ZNF714: variants seen among roughly 807,000 people sequenced by gnomAD.
ZNF714 encodes the protein zinc finger protein 714.
In ZNF714, 32 loss-of-function variants were observed where a neutral mutation model predicts 46.2. The ratio of observed to expected loss-of-function variants is 0.69; its 90% confidence interval spans 0.52 to 0.93. The LOEUF is 0.93. Ranked by LOEUF, ZNF714 falls within the 40% of genes least tolerant of loss-of-function variation. ZNF714 has a pLI of 0.00. For missense variants in ZNF714, 635 were observed against 646.3 expected, an observed-to-expected ratio of 0.98 and a Z score of 0.19; for synonymous variants, 199 against 213.1, an observed-to-expected ratio of 0.93 and a Z score of 0.58.
rs752302211 is a variant in ZNF714 at position 21,119,209 on chromosome 19, C to G, written c.*877C>G. ...CATGAGGTCAGGAGTTTGAGACCAG[C>G]CTATCCAAGATGGTGAAACCCCATC... On this transcript the variant is annotated 3_prime_UTR_variant, in exon 5 of 5. Coordinates refer to ENST00000456283, the MANE Select transcript of ZNF714 (RefSeq NM_182515.4). 2.6e-6 allele frequency: 1 copy of G among 387,060 alleles called. No homozygotes were observed. Among genetic ancestry groups the G allele is most frequent in the Non-Finnish European group, 5.1e-6 (1 of 197,938 alleles). 24.0% of individuals were successfully genotyped at this position (387,060 alleles called of 1,614,324 possible). A position where few individuals can be genotyped will look rare whatever the true frequency, so the allele number is the denominator to read the frequency against.
At chr19:21,107,626 C>T (rs1969354197) in intron 4 of ZNF714, among the ~76,000 whole-genome samples, 1 of 139,632 alleles carries the variant, frequency 7.2e-6, no homozygotes, top group African/African-American at 3.4e-5. Flanking sequence ...TTTGTACTGA[C>T]ATCTTAACAA....
chr19:21,102,120 G>A (rs1969195916), intron 4 of ZNF714, among the ~76,000 whole-genome samples: 2 of 152,196 alleles, frequency 1.3e-5, no homozygotes, highest in South Asian at 4.1e-4. Flanking sequence ...TTTTTTGTCA[G>A]GGATGACTGA....
At chr19:21,116,749 A>G in intron 4 of ZNF714, 58 bp from the exon 5 acceptor site, 1 of 1,511,934 alleles carries the variant, frequency 6.6e-7, no homozygotes, top group Non-Finnish European at 8.8e-7. Flanking sequence ...TTAGATTTGT[A>G]AAGTATGTTT....
At position 21,120,710 on chromosome 19, in the gene ZNF714, G is replaced by A. The variant is rs1272508897; in HGVS notation, c.*2378G>A. The stretch of plus-strand genomic sequence containing the variant: ...CTGTTCCACCTTACTGAAGGGTATA[G>A]GTAAAAGATGGTAACGATATACTAT... On this transcript the variant is annotated 3_prime_UTR_variant, in exon 5 of 5. Transcript: ENST00000456283. 1.3e-5 allele frequency: 2 copies of A among 151,986 alleles called. No individual in the cohort carries two copies. Among genetic ancestry groups the A allele is most frequent in the Non-Finnish European group, 2.9e-5 (2 of 67,998 alleles). 9.4% of individuals were successfully genotyped at this position (151,986 alleles called of 1,614,324 possible).
At chr19:21,116,709 A>G in intron 4 of ZNF714, 98 bp from the exon 5 acceptor site, 1 of 1,355,470 alleles carries the variant, frequency 7.4e-7, no homozygotes, top group Non-Finnish European at 9.8e-7. Context: ...TTATTATGGC[A>G]TCTTGCTTAT....
intron 2 of ZNF714, among the ~76,000 whole-genome samples, chr19:21,085,875 T>A (rs1968766263): frequency 1.4e-5 from 1 of 72,056 alleles, no homozygotes; most frequent in Non-Finnish European, 3.7e-5. Flanking sequence ...CAAAGTTAGG[T>A]TTATGTAAAA....
intron 2 of ZNF714, among the ~76,000 whole-genome samples, chr19:21,087,493 TTAA>T (rs1168440284): frequency 1.3e-5 from 2 of 152,204 alleles, no homozygotes; most frequent in African/African-American, 4.8e-5. Flanking sequence ...TTGTGTATTA[TTAA>T]TGTCAAACCC....
chr19:21,112,344 T>C lies in ZNF714; in HGVS notation c.143-4463T>C, dbSNP rs183027214. On this transcript the variant is annotated intron_variant, in intron 4 of 4. Coordinates refer to ENST00000456283, the MANE Select transcript of ZNF714 (RefSeq NM_182515.4). ...AAGGATGGATATGTCCAGCAGTTTATCCATTTCTTCTAGATTTTCCAGTTT... is the reference window on the plus strand; with the variant it reads ...AAGGATGGATATGTCCAGCAGTTTACCCATTTCTTCTAGATTTTCCAGTTT... 5.9e-3 allele frequency among the ~76,000 whole-genome samples: 893 copies of C among 152,266 alleles called. 3 individuals are homozygous for C. The highest frequency in any genetic ancestry group is 0.018 in the Admixed American group (280 of 15,290).
intron 2 of ZNF714, among the ~76,000 whole-genome samples, chr19:21,093,999 T>C (rs1168125389): frequency 6.6e-6 from 1 of 152,226 alleles, no homozygotes; most frequent in East Asian, 1.9e-4. Flanking sequence ...TTTTTGTTTT[T>C]TGTTTGTTTG....
rs777786827 is a variant in ZNF714 at position 21,117,178 on chromosome 19, TC to T, written c.515del (p.Ser172PhefsTer50). 35 of 1,613,920 alleles carry T rather than the reference TC, an allele frequency of 2.2e-5. No individual in the cohort carries two copies. The highest frequency in any genetic ancestry group is 3.3e-5 in the Admixed American group (2 of 60,004). On this transcript the variant is annotated frameshift_variant, in exon 5 of 5. Transcript: ENST00000456283. LOFTEE classifies it high-confidence loss of function. ...TAAAAGAATTCATATTAGAGAGAAT[TC>T]TTACCAATGTGAAGAATGTGACAAA... ...QHKRIHIRENSYQCEECDKVF... is the reference protein window; with the variant it reads ...QHKRIHIRENXYQCEECDKVF...
intron 2 of ZNF714, among the ~76,000 whole-genome samples, chr19:21,096,128 T>C (rs1344951754): frequency 6.6e-6 from 1 of 152,106 alleles, no homozygotes; most frequent in Non-Finnish European, 1.5e-5. Context: ...GTAGTAGAAA[T>C]TGTTGGTGTC....
intron 4 of ZNF714, among the ~76,000 whole-genome samples, chr19:21,114,304 C>T (rs901156113): frequency 7.2e-5 from 11 of 151,862 alleles, no homozygotes; most frequent in East Asian, 2.0e-4. Context: ...GGTGTGGTGG[C>T]GGGTGCCTGT....
At chr19:21,099,089 T>C (rs1969110465) in intron 4 of ZNF714, among the ~76,000 whole-genome samples, 179 bp downstream of exon 4, 1 of 152,246 alleles carries the variant, frequency 6.6e-6, no homozygotes, top group South Asian at 2.1e-4. Flanking sequence ...TTCTGTCTTA[T>C]GCTTTTAAAT....
rs1348183591 is a variant in ZNF714 at position 21,120,270 on chromosome 19, C to T, written c.*1938C>T. On this transcript the variant is annotated 3_prime_UTR_variant, in exon 5 of 5. Coordinates refer to ENST00000456283, the MANE Select transcript of ZNF714 (RefSeq NM_182515.4). The stretch of plus-strand genomic sequence containing the variant: ...TTGGCCAGGCTGGTCTCAAACTCCT[C>T]ACCTTGTGATCCACCCACCTTGGCC... 1.3e-5 allele frequency: 2 copies of T among 152,122 alleles called. No individual in the cohort carries two copies. Among genetic ancestry groups the T allele is most frequent in the Admixed American group, 1.3e-4 (2 of 15,262 alleles). 9.4% of individuals were successfully genotyped at this position (152,122 alleles called of 1,614,324 possible). A position where few individuals can be genotyped will look rare whatever the true frequency, so the allele number is the denominator to read the frequency against.
At chr19:21,087,393 A>G (rs1968808694) in intron 2 of ZNF714, among the ~76,000 whole-genome samples, 1 of 152,140 alleles carries the variant, frequency 6.6e-6, no homozygotes, top group African/African-American at 2.4e-5. Context: ...ATTTACAAAA[A>G]CAGTCCAAAA....
chr19:21,098,346 C>A, intron 3 of ZNF714, 35 bp downstream of exon 3: 2 of 1,589,316 alleles, frequency 1.3e-6, no homozygotes, highest in Non-Finnish European at 1.7e-6. Context: ...TCTTAATATA[C>A]CCTAAACGTT....
intron 2 of ZNF714, among the ~76,000 whole-genome samples, chr19:21,086,576 C>T (rs8109504): frequency 0.041 from 6,285 of 152,156 alleles, 426 homozygotes; most frequent in African/African-American, 0.14. Context: ...AGGTCACTCT[C>T]GTCACATCTT....
intron 4 of ZNF714, among the ~76,000 whole-genome samples, chr19:21,100,881 T>G (rs1023951949): frequency 6.6e-6 from 1 of 151,990 alleles, no homozygotes; most frequent in African/African-American, 2.4e-5. Context: ...CTAATTTTTT[T>G]TGTAGTTTTA....
intron 4 of ZNF714, among the ~76,000 whole-genome samples, chr19:21,104,770 G>A (rs915809936): frequency 1.3e-5 from 2 of 151,548 alleles, no homozygotes; most frequent in Non-Finnish European, 1.5e-5. Context: ...CTGCCATCAT[G>A]CCTGGCTAGT....
Sources: gnomAD v4.1 joint callset for allele counts (sites outside exome capture counted in the v4.1 genomes callset) on GRCh38, gnomAD v4.1.1 for gene constraint, MANE v1.5 for transcripts, NCBI Gene and HGNC (gene_info 2026-07-23, HGNC 2026-07-21) for gene names.